VPS53: variants seen among roughly 807,000 people sequenced by gnomAD.
The protein encoded by VPS53 is vacuolar protein sorting-associated protein 53 homolog.
In VPS53, 70 loss-of-function variants were observed where a neutral mutation model predicts 107.0. That is an observed-to-expected ratio of 0.65 (90% CI 0.54 to 0.80). The LOEUF (loss-of-function observed/expected upper bound fraction) is 0.80, where lower values mean the gene tolerates loss of function less well. Among genes scored for constraint, VPS53 ranks in the 30% least tolerant of loss-of-function variants. The pLI, the probability that VPS53 is intolerant of heterozygous loss-of-function variation, is 0.00. For missense variants in VPS53, 917 were observed against 1,049.4 expected (o/e 0.87, Z 1.74); for synonymous variants, 409 against 393.3 (o/e 1.04, Z -0.47).
At chr17:606,083 G>A (rs1361575483) in intron 11 of VPS53, among the ~76,000 whole-genome samples, 1 of 152,134 alleles carries the variant, frequency 6.6e-6, no homozygotes, top group Non-Finnish European at 1.5e-5. Flanking sequence ...GGCTGATGGG[G>A]AACTGGACTA....
chr17:642,602 C>T (rs1970472037), intron 7 of VPS53, among the ~76,000 whole-genome samples: 1 of 150,430 alleles, frequency 6.6e-6, no homozygotes, highest in African/African-American at 2.4e-5. Flanking sequence ...AACACTCATA[C>T]TTGGCAACTG....
intron 15 of VPS53, 60 bp from the exon 16 acceptor site, chr17:553,522 C>A: frequency 1.7e-6 from 2 of 1,204,936 alleles, no homozygotes; most frequent in Non-Finnish European, 2.4e-6. Flanking sequence ...AGTACCATCA[C>A]AATAATAGTT....
At chr17:658,655 G>C (rs1226969326) in intron 5 of VPS53, among the ~76,000 whole-genome samples, 2 of 146,852 alleles carry the variant, frequency 1.4e-5, no homozygotes, top group Non-Finnish European at 3.0e-5. Context: ...ACTCGGCCGT[G>C]AGTTCGTGGA....
At chr17:686,978 C>G (rs2143829201) in intron 4 of VPS53, among the ~76,000 whole-genome samples, 1 of 152,040 alleles carries the variant, frequency 6.6e-6, no homozygotes, top group East Asian at 1.9e-4. Flanking sequence ...GAGACCTCAT[C>G]TACACAATAC....
intron 11 of VPS53, among the ~76,000 whole-genome samples, chr17:606,978 T>C (rs574365931): frequency 8.6e-5 from 13 of 151,796 alleles, no homozygotes; most frequent in African/African-American, 3.1e-4. Context: ...TCTATGAGGT[T>C]TGCACAGTGA....
chr17:699,894 T>C (rs1008226524), intron 2 of VPS53, among the ~76,000 whole-genome samples: 3 of 152,212 alleles, frequency 2.0e-5, no homozygotes, highest in Non-Finnish European at 2.9e-5. Context: ...ACTAACATAA[T>C]TCTCCTGTTA....
At chr17:609,765 G>A (rs918789904) in intron 11 of VPS53, among the ~76,000 whole-genome samples, 1 of 152,132 alleles carries the variant, frequency 6.6e-6, no homozygotes, top group Non-Finnish European at 1.5e-5. Flanking sequence ...CACTGCTTTG[G>A]GTAAGAGACA....
At position 697,970 on chromosome 17, in the gene VPS53, C is replaced by T. The variant is rs139656640; in HGVS notation, c.219-486G>A. On this transcript the variant is annotated intron_variant, in intron 3 of 21. Transcript: ENST00000437048. Reference sequence around the variant, plus strand: ...TCTACGGCTTCCAGCTCCTCTGCCCCCACGGTTCACAATGTTTAATCATGG... The same window carrying T: ...TCTACGGCTTCCAGCTCCTCTGCCCTCACGGTTCACAATGTTTAATCATGG... Among the ~76,000 whole-genome samples, 921 of 152,244 alleles carry T rather than the reference C, an allele frequency of 6.0e-3. 7 individuals carry two copies. Among genetic ancestry groups the T allele is most frequent in the Middle Eastern group, 0.01 (3 of 294 alleles).
intron 4 of VPS53, among the ~76,000 whole-genome samples, chr17:685,724 G>C (rs755839184): frequency 6.6e-6 from 1 of 152,106 alleles, no homozygotes; most frequent in Non-Finnish European, 1.5e-5. Flanking sequence ...CTGGAAACAG[G>C]TGTGGTGGCT....
At position 512,934 on chromosome 17, in the gene VPS53, G is replaced by C. The variant is rs1176451665; in HGVS notation, c.*6194C>G. 6.6e-6 allele frequency: 1 copy of C among 152,404 alleles called. No homozygotes were observed. Among genetic ancestry groups the C allele is most frequent in the Non-Finnish European group, 1.5e-5 (1 of 68,182 alleles). The allele number at this position is 152,404 out of a possible 1,614,324, so 9.4% of individuals were successfully genotyped here. A position where few individuals can be genotyped will look rare whatever the true frequency, so the allele number is the denominator to read the frequency against. ...TGGAAGAGCAGGCTGTGATGGGAAC[G>C]GTAAGGACAGAGAAGGGAAGGTTCA... On this transcript the variant is annotated 3_prime_UTR_variant, in exon 22 of 22. Transcript: ENST00000437048.
Position 562,693 on chromosome 17 carries a change from G to T in VPS53, c.1366C>A (p.Pro456Thr), listed in dbSNP as rs781289176. 6.2e-7 allele frequency: 1 copy of T among 1,613,432 alleles called. No individual in the cohort carries two copies. The highest frequency in any genetic ancestry group is 2.2e-5 in the East Asian group (1 of 44,846). ...RFVADFKAQGPPKPNTDEGGA... is the reference protein window; with the variant it reads ...RFVADFKAQGTPKPNTDEGGA... ...CCTTCATCAGTGTTGGGCTTAGGTG[G>T]CCCCTGGGCTTTGAAATCAGCCACA... Residue 456 changes from proline to threonine, a missense_variant, in exon 14 of 22, where the codon CCA (proline) becomes ACA (threonine). Physicochemically the swap from Pro to Thr is conservative, Grantham distance 38. Coordinates refer to ENST00000437048, the MANE Select transcript of VPS53 (RefSeq NM_001128159.3).
At chr17:685,903 T>C (rs1433953230) in intron 4 of VPS53, among the ~76,000 whole-genome samples, 3 of 152,070 alleles carry the variant, frequency 2.0e-5, no homozygotes, top group African/African-American at 7.2e-5. Flanking sequence ...TCCTACCTAC[T>C]TGGAAGTCTG....
chr17:531,661 T>TA (rs1242730908), intron 19 of VPS53, among the ~76,000 whole-genome samples: 1 of 152,040 alleles, frequency 6.6e-6, no homozygotes, highest in African/African-American at 2.4e-5. Flanking sequence ...GTTTTTTAGC[T>TA]AATGTTTTAT....
chr17:597,205 C>G (rs1968016470), intron 12 of VPS53, among the ~76,000 whole-genome samples: 1 of 152,174 alleles, frequency 6.6e-6, no homozygotes, highest in Non-Finnish European at 1.5e-5. Context: ...TGACCCTTAC[C>G]TTGAGGGCCA....
At chr17:610,047 C>T (rs1299157233) in intron 11 of VPS53, among the ~76,000 whole-genome samples, 1 of 151,344 alleles carries the variant, frequency 6.6e-6, no homozygotes, top group Non-Finnish European at 1.5e-5. Flanking sequence ...AGGAGAATGG[C>T]GTGAACCCAG....
In VPS53 at chr17:623,682, ACAAAGAGATAAGAATACTAT is replaced by A; in HGVS notation, c.975-28_975-9del. The A allele has an allele frequency of 6.2e-7, 1 of 1,608,030 alleles. No homozygotes were observed. Reference sequence around the variant, plus strand: ...ATCTTGGCAAGTTCTGCCCTTCAAAACAAAGAGATAAGAATACTATCAAACAAGCTGATCATTCATTCAGT... The same window carrying A: ...ATCTTGGCAAGTTCTGCCCTTCAAAACAAACAAGCTGATCATTCATTCAGT... On this transcript the variant is annotated splice_polypyrimidine_tract_variant and intron_variant, in intron 10 of 21. Coordinates refer to ENST00000437048, the MANE Select transcript of VPS53 (RefSeq NM_001128159.3).
At chr17:533,653 T>A (rs1290850826) in intron 18 of VPS53, among the ~76,000 whole-genome samples, 1 of 152,192 alleles carries the variant, frequency 6.6e-6, no homozygotes, top group Non-Finnish European at 1.5e-5. Context: ...ATACTCTACA[T>A]GGAGTCTGCA....
chr17:556,703 G>A lies in VPS53; in HGVS notation c.1705-3241C>T, dbSNP rs149123982. ...GAGATCTTTATTAAGCACTTATTAC[G>A]TACCAGGCATTGTATTTGGTGCTAA... On this transcript the variant is annotated intron_variant, in intron 15 of 21. Transcript: ENST00000437048. Among the ~76,000 whole-genome samples, 588 of 152,218 alleles carry A rather than the reference G, an allele frequency of 3.9e-3. 4 individuals carry two copies. The highest frequency in any genetic ancestry group is 8.8e-3 in the African/African-American group (365 of 41,528).
Position 517,741 on chromosome 17 carries a change from G to A in VPS53, c.*1387C>T, listed in dbSNP as rs569457975. 4 of 228,174 alleles carry A rather than the reference G, an allele frequency of 1.8e-5. No homozygotes were observed. The highest frequency in any genetic ancestry group is 1.8e-4 in the South Asian group (1 of 5,434). 14.1% of individuals were successfully genotyped at this position (228,174 alleles called of 1,614,324 possible). On this transcript the variant is annotated 3_prime_UTR_variant, in exon 22 of 22. Transcript: ENST00000437048. ...TCGCCATGTTGGGCAGGCTGGTCTC[G>A]AATTCCTGACCTCAGGTGATCCACC...
Sources: allele counts gnomAD v4.1 joint callset (sites outside exome capture counted in the v4.1 genomes callset), GRCh38; gene constraint gnomAD v4.1.1; transcripts MANE v1.5; gene names NCBI Gene and HGNC (gene_info 2026-07-23, HGNC 2026-07-21).